PPARGC1A: variants seen among roughly 807,000 people sequenced by gnomAD.
The protein encoded by PPARGC1A is peroxisome proliferator-activated receptor gamma coactivator 1-alpha.
Under a neutral mutation model 88.7 loss-of-function variants are expected in PPARGC1A, and 25 were observed. The ratio of observed to expected loss-of-function variants is 0.28; its 90% CI spans 0.21 to 0.39. PPARGC1A has a LOEUF of 0.39. Among genes scored for constraint, PPARGC1A ranks in the 10% least tolerant of loss-of-function variants. PPARGC1A has a pLI of 1.00. For missense variants in PPARGC1A, 880 were observed against 968.7 expected, an observed-to-expected ratio of 0.91 and a Z score of 1.22; for synonymous variants, 363 against 355.6, an observed-to-expected ratio of 1.02 and a Z score of -0.24.
the PPARGC1A span, among the ~76,000 whole-genome samples, chr4:24,227,220 GACTACAGGCACACGCCGC>G: frequency 2.4e-4 from 36 of 152,188 alleles, no homozygotes; most frequent in Middle Eastern, 0.01. Context: ...GAGTAGCTGG[GACTACAGGCACACGCCGC>G]CATGCCCAGC....
chr4:24,000,703 C>T, the PPARGC1A span, among the ~76,000 whole-genome samples: 1 of 152,106 alleles, frequency 6.6e-6, no homozygotes, highest in Non-Finnish European at 1.5e-5. Context: ...CGCTAGGCAG[C>T]TAAGTGCATC....
chr4:24,154,438 A>G, the PPARGC1A span, among the ~76,000 whole-genome samples: 1 of 152,236 alleles, frequency 6.6e-6, no homozygotes, highest in Non-Finnish European at 1.5e-5. Context: ...TTTGTATTGT[A>G]TGGCAGAGCT....
chr4:24,002,068 T>TCA, the PPARGC1A span, among the ~76,000 whole-genome samples: 4,785 of 122,836 alleles, frequency 0.039, 114 homozygotes, highest in African/African-American at 0.06. Context: ...GATGATAAAT[T>TCA]CACACACACA....
At chr4:24,019,649 A>G in the PPARGC1A span, among the ~76,000 whole-genome samples, 2 of 152,194 alleles carry the variant, frequency 1.3e-5, no homozygotes, top group Non-Finnish European at 2.9e-5. Context: ...CCACCAACAC[A>G]ATTTAAACAC....
At chr4:24,108,757 C>A in the PPARGC1A span, among the ~76,000 whole-genome samples, 4 of 151,970 alleles carry the variant, frequency 2.6e-5, 1 homozygote, top group South Asian at 6.2e-4. Flanking sequence ...CCCAGTGGAG[C>A]CTGGGGTTCA....
chr4:23,919,481 A>G, the PPARGC1A span, among the ~76,000 whole-genome samples: 1 of 138,958 alleles, frequency 7.2e-6, no homozygotes, highest in East Asian at 2.0e-4. Flanking sequence ...CTTAGAAGGT[A>G]TTATGCCTCA....
chr4:23,855,886 G>T (rs935543315), intron 2 of PPARGC1A, among the ~76,000 whole-genome samples: 3 of 152,146 alleles, frequency 2.0e-5, no homozygotes, highest in Non-Finnish European at 4.4e-5. Flanking sequence ...GATGCAGGAA[G>T]GGATGTGCTA....
the PPARGC1A span, among the ~76,000 whole-genome samples, chr4:24,354,458 C>T: frequency 5.9e-5 from 9 of 152,260 alleles, no homozygotes; most frequent in Admixed American, 5.9e-4. Flanking sequence ...CCAATTTACA[C>T]CCAGAATGCT....
the PPARGC1A span, among the ~76,000 whole-genome samples, chr4:24,126,439 A>T: frequency 6.6e-6 from 1 of 152,196 alleles, no homozygotes; most frequent in East Asian, 1.9e-4. Context: ...GCTATGTGAC[A>T]CTGAGTAGTT....
chr4:24,283,137 T>G, the PPARGC1A span, among the ~76,000 whole-genome samples: 1 of 152,244 alleles, frequency 6.6e-6, no homozygotes, highest in Admixed American at 6.5e-5. Flanking sequence ...AGGCTCATTA[T>G]GTAGTGACAA....
At chr4:24,444,026 G>A in the PPARGC1A span, among the ~76,000 whole-genome samples, 8 of 151,578 alleles carry the variant, frequency 5.3e-5, no homozygotes, top group African/African-American at 1.5e-4. Flanking sequence ...GAGTAATTTC[G>A]TCGTTGTTGT....
At chr4:24,006,407 C>G in the PPARGC1A span, among the ~76,000 whole-genome samples, 1 of 152,162 alleles carries the variant, frequency 6.6e-6, no homozygotes, top group Admixed American at 6.5e-5. Flanking sequence ...CTGCAGCACC[C>G]ATGTGGGGAA....
chr4:23,829,800 T>TTC (rs1724675926), intron 3 of PPARGC1A: 7 of 297,272 alleles, frequency 2.4e-5, no homozygotes, highest in African/African-American at 4.4e-5. Flanking sequence ...ACTATGAAAA[T>TTC]ATTTCCTTTC....
chr4:24,198,579 C>T, the PPARGC1A span, among the ~76,000 whole-genome samples: 53 of 152,298 alleles, frequency 3.5e-4, no homozygotes, highest in East Asian at 8.5e-3. Context: ...TCAGGTCCCC[C>T]GTTTAAAAAG....
At chr4:24,380,123 CAT>C in the PPARGC1A span, among the ~76,000 whole-genome samples, 1 of 151,506 alleles carries the variant, frequency 6.6e-6, no homozygotes, top group Non-Finnish European at 1.5e-5. Flanking sequence ...TTTTTTTAAT[CAT>C]GGGACATTAA....
chr4:24,299,506 A>G, the PPARGC1A span, among the ~76,000 whole-genome samples: 2 of 152,176 alleles, frequency 1.3e-5, no homozygotes, highest in African/African-American at 2.4e-5. Context: ...AGTATCTTCC[A>G]GGGGCTAAAA....
At chr4:24,326,310 T>C in the PPARGC1A span, among the ~76,000 whole-genome samples, 1 of 152,090 alleles carries the variant, frequency 6.6e-6, no homozygotes, top group African/African-American at 2.4e-5. Context: ...ATTTTACCTG[T>C]CTTAAAACCA....
the PPARGC1A span, among the ~76,000 whole-genome samples, chr4:24,080,828 T>C: frequency 6.6e-6 from 1 of 152,212 alleles, no homozygotes; most frequent in African/African-American, 2.4e-5. Context: ...CAACGCCACA[T>C]TGATTTGACT....
the PPARGC1A span, among the ~76,000 whole-genome samples, chr4:24,327,330 G>A: frequency 6.6e-6 from 1 of 152,068 alleles, no homozygotes; most frequent in Non-Finnish European, 1.5e-5. Flanking sequence ...ACTCATATAT[G>A]CCCTGCTCTT....
Sources: gnomAD v4.1 joint callset for allele counts (sites outside exome capture counted in the v4.1 genomes callset) on GRCh38, gnomAD v4.1.1 for gene constraint, MANE v1.5 for transcripts, NCBI Gene and HGNC (gene_info 2026-07-23, HGNC 2026-07-21) for gene names.